APBA2: variants seen among roughly 807,000 people sequenced by gnomAD.
APBA2 encodes the protein amyloid-beta A4 precursor protein-binding family A member 2.
Under a neutral mutation model 75.0 loss-of-function variants are expected in APBA2, and 30 were observed. The observed-to-expected ratio is 0.40, with a 90% CI of 0.30 to 0.54. The LOEUF is 0.54. APBA2 is among the 20% of genes least tolerant of loss of function. APBA2 has a pLI of 0.49. For missense variants in APBA2, 801 were observed against 1,016.1 expected, an observed-to-expected ratio of 0.79 and a Z score of 2.88; for synonymous variants, 444 against 409.6, an observed-to-expected ratio of 1.08 and a Z score of -1.01.
At chr15:28,946,768 A>G (rs1304772399) in intron 2 of APBA2, among the ~76,000 whole-genome samples, 2 of 152,244 alleles carry the variant, frequency 1.3e-5, no homozygotes, top group African/African-American at 4.8e-5. Flanking sequence ...TTGTAAAGAT[A>G]AGGTCTTGCT....
intron 2 of APBA2, among the ~76,000 whole-genome samples, chr15:28,933,380 T>C (rs912664753): frequency 6.6e-6 from 1 of 152,138 alleles, no homozygotes. Context: ...CTCTGAGCCA[T>C]CACGCAGGTA....
chr15:28,892,667 G>A (rs573991979), intron 1 of APBA2, among the ~76,000 whole-genome samples: 9 of 152,018 alleles, frequency 5.9e-5, no homozygotes, highest in African/African-American at 9.6e-5. Flanking sequence ...GTATGTGTAC[G>A]TATATATGTG....
At position 28,919,502 on chromosome 15, in the gene APBA2, G is replaced by T. The variant is rs11633111; in HGVS notation, c.-204-2138G>T. 815 of 152,878 alleles carry T rather than the reference G, an allele frequency of 5.3e-3. 1 individual carries two copies. The highest frequency in any genetic ancestry group is 9.2e-3 in the Non-Finnish European group (629 of 68,480). The allele number at this position is 152,878 out of a possible 1,614,324, so 9.5% of individuals were successfully genotyped here. On this transcript the variant is annotated intron_variant, in intron 1 of 14. Transcript: ENST00000683413. ...CCCCGTGGCAGGTAACGGTGGTTTT[G>T]CAGTGTGGCGTGCTGTGGGGGCCGG...
At chr15:28,936,824 G>A (rs1185734186) in intron 2 of APBA2, among the ~76,000 whole-genome samples, 3 of 152,178 alleles carry the variant, frequency 2.0e-5, no homozygotes, top group Admixed American at 6.5e-5. Context: ...GTGGGGGATG[G>A]GAGGCAGGGG....
chr15:28,951,573 C>T (rs1292559244), intron 2 of APBA2, among the ~76,000 whole-genome samples: 2 of 138,700 alleles, frequency 1.4e-5, no homozygotes, highest in Admixed American at 1.4e-4. Context: ...ATATGTATCT[C>T]CCATAGTTTT....
chr15:29,064,706 G>A (rs1056870195), intron 4 of APBA2, among the ~76,000 whole-genome samples: 1 of 152,164 alleles, frequency 6.6e-6, no homozygotes, highest in Admixed American at 6.5e-5. Context: ...GACATGGGTT[G>A]GGGGATGGTG....
At chr15:29,057,378 A>G (rs985462613) in intron 4 of APBA2, among the ~76,000 whole-genome samples, 3 of 152,256 alleles carry the variant, frequency 2.0e-5, no homozygotes, top group Non-Finnish European at 4.4e-5. Context: ...ACAGCTTGAA[A>G]AAGTGTGTCC....
At chr15:28,984,985 G>A (rs1286204232) in intron 2 of APBA2, among the ~76,000 whole-genome samples, 4 of 152,010 alleles carry the variant, frequency 2.6e-5, no homozygotes, top group Non-Finnish European at 5.9e-5. Context: ...GGTTGGGGGA[G>A]CTGCCTGGGA....
chr15:29,009,222 G>A (rs776643771), intron 3 of APBA2, among the ~76,000 whole-genome samples: 7 of 152,146 alleles, frequency 4.6e-5, no homozygotes, highest in Non-Finnish European at 8.8e-5. Flanking sequence ...AAGATATGGT[G>A]CCTTTTCTAG....
intron 3 of APBA2, among the ~76,000 whole-genome samples, chr15:29,000,272 C>T (rs1326083150): frequency 1.3e-5 from 2 of 152,162 alleles, no homozygotes; most frequent in Non-Finnish European, 2.9e-5. Flanking sequence ...CAGAAGATAT[C>T]AGAGTTTGTT....
Position 28,970,763 on chromosome 15 carries a change from TA to T in APBA2, c.-94-24978del, listed in dbSNP as rs752743984. On this transcript the variant is annotated intron_variant, in intron 2 of 14. Transcript: ENST00000683413. ...CTCATTTTTTTTTGTCTTGCTGAAT[TA>T]AAAAAAAAAAATAAAAGCAACAACA... Among the ~76,000 whole-genome samples, 1,362 of 142,136 alleles carry T rather than the reference TA, an allele frequency of 9.6e-3. 12 individuals are homozygous for T. The highest frequency in any genetic ancestry group is 0.014 in the Non-Finnish European group (892 of 64,796). The allele number at this position is 142,136 out of a possible 152,430, so 93.2% of individuals were successfully genotyped here.
intron 2 of APBA2, among the ~76,000 whole-genome samples, chr15:28,994,921 C>T (rs1290096492): frequency 2.0e-5 from 3 of 152,162 alleles, no homozygotes; most frequent in African/African-American, 7.2e-5. Context: ...CAGCTGATGC[C>T]CCCGGGAGGA....
intron 13 of APBA2, among the ~76,000 whole-genome samples, chr15:29,109,370 AAG>A (rs2044609336): frequency 6.6e-6 from 1 of 152,204 alleles, no homozygotes; most frequent in Non-Finnish European, 1.5e-5. Flanking sequence ...TGCTATAAAA[AAG>A]AGTCTGCAAA....
At chr15:28,919,207 G>A (rs1163331760) in intron 1 of APBA2, among the ~76,000 whole-genome samples, 1 of 152,142 alleles carries the variant, frequency 6.6e-6, no homozygotes, top group East Asian at 1.9e-4. Flanking sequence ...GCACTTCCTT[G>A]CGAACCTTTT....
intron 3 of APBA2, among the ~76,000 whole-genome samples, chr15:29,024,902 A>G (rs1052804794): frequency 6.6e-6 from 1 of 152,164 alleles, no homozygotes; most frequent in Non-Finnish European, 1.5e-5. Context: ...CCTGAGGTAT[A>G]GCCTTGGGGC....
chr15:28,920,744 T>C (rs10162722), intron 1 of APBA2, among the ~76,000 whole-genome samples: 5,573 of 152,106 alleles, frequency 0.037, 365 homozygotes, highest in African/African-American at 0.13. Flanking sequence ...CCTCGTTTGG[T>C]GTGGTAGGAA....
At chr15:28,954,619 G>A (rs2036069036) in intron 2 of APBA2, among the ~76,000 whole-genome samples, 1 of 152,264 alleles carries the variant, frequency 6.6e-6, no homozygotes, top group African/African-American at 2.4e-5. Flanking sequence ...GCCTGTGGGG[G>A]TTGGGGGCTT....
intron 14 of APBA2, among the ~76,000 whole-genome samples, chr15:29,115,972 C>G (rs1039741344): frequency 6.6e-6 from 1 of 152,188 alleles, no homozygotes; most frequent in Non-Finnish European, 1.5e-5. Flanking sequence ...GCGAGGGCCC[C>G]CCATCCGGAG....
chr15:28,925,874 T>G (rs2034232410), intron 2 of APBA2, among the ~76,000 whole-genome samples: 1 of 152,200 alleles, frequency 6.6e-6, no homozygotes, highest in Non-Finnish European at 1.5e-5. Flanking sequence ...GTGCATAGCC[T>G]TTAAGGATTG....
Sources: gnomAD v4.1 joint callset for allele counts (sites outside exome capture counted in the v4.1 genomes callset) on GRCh38, gnomAD v4.1.1 for gene constraint, MANE v1.5 for transcripts, NCBI Gene and HGNC (gene_info 2026-07-23, HGNC 2026-07-21) for gene names.